The following SEPTIN9 variants were observed in gnomAD, a reference collection of about 807,000 sequenced individuals.
SEPTIN9 encodes the protein septin-9.
A neutral mutation model predicts 56.6 loss-of-function variants in SEPTIN9; 13 were observed. The ratio of observed to expected loss-of-function variants is 0.23; its 90% CI spans 0.15 to 0.37. The LOEUF (loss-of-function observed/expected upper bound fraction) is 0.37. SEPTIN9 is among the 10% of genes least tolerant of loss of function. SEPTIN9 has a pLI of 1.00. For missense variants in SEPTIN9, 650 were observed against 823.1 expected (o/e 0.79, Z 2.57); for synonymous variants, 332 against 334.1 (o/e 0.99, Z 0.07).
chr17:77,340,973 G>A (rs1406607275), intron 2 of SEPTIN9, among the ~76,000 whole-genome samples: 1 of 152,200 alleles, frequency 6.6e-6, no homozygotes, highest in African/African-American at 2.4e-5. Context: ...GCTTTGCCCT[G>A]GATTAGGCTT....
intron 1 of SEPTIN9, among the ~76,000 whole-genome samples, chr17:77,287,260 G>A (rs1366530882): frequency 4.6e-5 from 7 of 152,218 alleles, no homozygotes; most frequent in African/African-American, 1.4e-4. Context: ...TGTGGGTGCC[G>A]AGCTTCTGTG....
intron 1 of SEPTIN9, among the ~76,000 whole-genome samples, chr17:77,293,424 A>G (rs1233728124): frequency 6.6e-6 from 1 of 152,172 alleles, no homozygotes; most frequent in Non-Finnish European, 1.5e-5. Flanking sequence ...GGCCTCCCAA[A>G]GTGCTGGGAT....
chr17:77,390,644 G>T (rs2144033036), intron 2 of SEPTIN9, among the ~76,000 whole-genome samples: 1 of 151,950 alleles, frequency 6.6e-6, no homozygotes, highest in East Asian at 2.0e-4. Context: ...GTAGAGACGG[G>T]GTTTCACTGT....
At position 77,434,930 on chromosome 17, in the gene SEPTIN9, C is replaced by T. The variant is rs531584755; in HGVS notation, c.721+32227C>T. On this transcript the variant is annotated intron_variant, in intron 3 of 11. Transcript: ENST00000427177. This position sits in a 1 kb window ranked among gnomAD's most constrained non-coding sequence, Gnocchi z 5.0. The stretch of plus-strand genomic sequence containing the variant: ...CGCTGCAGGGGAGCAGAGACCTCAC[C>T]CTTCCTCTGCCGACATCAGGCTGCC... Among the ~76,000 whole-genome samples, 2 of 152,274 alleles carry T rather than the reference C, an allele frequency of 1.3e-5. No individual in the cohort carries two copies. The highest frequency in any genetic ancestry group is 4.8e-5 in the African/African-American group (2 of 41,548).
chr17:77,417,904 T>C (rs2036560436), intron 3 of SEPTIN9, among the ~76,000 whole-genome samples: 1 of 152,174 alleles, frequency 6.6e-6, no homozygotes, highest in South Asian at 2.1e-4. Context: ...GCACAGGCGT[T>C]GGTCATTAAA....
intron 2 of SEPTIN9, among the ~76,000 whole-genome samples, chr17:77,388,834 T>TTTTC (rs1283776131): frequency 4.2e-5 from 5 of 118,638 alleles, no homozygotes; most frequent in African/African-American, 1.4e-4. Flanking sequence ...TTTTTTTTTT[T>TTTTC]GCATTTTTTA....
intron 2 of SEPTIN9, among the ~76,000 whole-genome samples, chr17:77,342,952 A>G (rs2033778870): frequency 6.6e-6 from 1 of 151,904 alleles, no homozygotes; most frequent in Non-Finnish European, 1.5e-5. Context: ...TCCAGCCTGG[A>G]TGACAGAGGG....
rs981299186 is a variant in SEPTIN9, at chr17:77,434,942, G to T, written c.721+32239G>T. 6.6e-6 allele frequency among the ~76,000 whole-genome samples: 1 copy of T among 152,170 alleles called. No individual in the cohort carries two copies. The highest frequency in any genetic ancestry group is 1.5e-5 in the Non-Finnish European group (1 of 68,022). On this transcript the variant is annotated intron_variant, in intron 3 of 11. Coordinates refer to ENST00000427177, the MANE Select transcript of SEPTIN9 (RefSeq NM_001113491.2). The surrounding 1 kb of genome is among the most constrained non-coding windows in gnomAD (Gnocchi z 5.0). Reference sequence around the variant, plus strand: ...GCAGAGACCTCACCCTTCCTCTGCCGACATCAGGCTGCCGGTGCTGGACGG... The same window carrying T: ...GCAGAGACCTCACCCTTCCTCTGCCTACATCAGGCTGCCGGTGCTGGACGG...
intron 1 of SEPTIN9, among the ~76,000 whole-genome samples, chr17:77,295,691 C>T (rs902847745): frequency 6.6e-6 from 1 of 152,076 alleles, no homozygotes; most frequent in Non-Finnish European, 1.5e-5. Flanking sequence ...CAGGAGCTCC[C>T]CTCTCTTCCC....
rs1346046547 is a variant in SEPTIN9 at position 77,317,774 on chromosome 17, C to T, written c.76+10577C>T. Among the ~76,000 whole-genome samples, 1 of 152,088 alleles carries T rather than the reference C, an allele frequency of 6.6e-6. No homozygotes were observed. Among genetic ancestry groups the T allele is most frequent in the African/African-American group, 2.4e-5 (1 of 41,396 alleles). On this transcript the variant is annotated intron_variant, in intron 2 of 11. Transcript: ENST00000427177. This position sits in a 1 kb window ranked among gnomAD's most constrained non-coding sequence, Gnocchi z 4.2. ...GTCTCAAAAAATAAAAAATAAAGGC[C>T]AGGCACAGTGGCTTATGCCTGTAAT... is the stretch of plus-strand genomic sequence containing the variant.
At chr17:77,363,422 CTG>C (rs1438339876) in intron 2 of SEPTIN9, among the ~76,000 whole-genome samples, 1 of 122,350 alleles carries the variant, frequency 8.2e-6, no homozygotes, top group African/African-American at 3.1e-5. Flanking sequence ...GAGTCTCACT[CTG>C]TTGCCCAGGC....
At chr17:77,392,227 T>G (rs1001514713) in intron 2 of SEPTIN9, among the ~76,000 whole-genome samples, 1 of 152,118 alleles carries the variant, frequency 6.6e-6, no homozygotes, top group African/African-American at 2.4e-5. Context: ...AGGAAGGACC[T>G]CCGGAGTGCC....
intron 2 of SEPTIN9, among the ~76,000 whole-genome samples, chr17:77,362,568 A>G (rs312882): frequency 0.8 from 122,513 of 152,226 alleles, 49,602 homozygotes; most frequent in East Asian, 0.97. Flanking sequence ...CCCACCTCCT[A>G]ATCCCAGCTG....
At chr17:77,485,666 T>C (rs967708329) in intron 4 of SEPTIN9, among the ~76,000 whole-genome samples, 12 of 151,924 alleles carry the variant, frequency 7.9e-5, no homozygotes, top group African/African-American at 2.7e-4. Context: ...GACCTGAGGT[T>C]GGCCAGGACA....
chr17:77,444,026 G>A (rs1427423944), intron 3 of SEPTIN9, among the ~76,000 whole-genome samples: 4 of 152,088 alleles, frequency 2.6e-5, no homozygotes, highest in Non-Finnish European at 5.9e-5. Context: ...GACTCTGGGG[G>A]TGGGGGTCAC....
intron 3 of SEPTIN9, among the ~76,000 whole-genome samples, chr17:77,412,129 C>CAAAAA (rs756030644): frequency 1.0e-4 from 7 of 67,378 alleles, no homozygotes; most frequent in Admixed American, 3.4e-4. Flanking sequence ...GACTCCCTAT[C>CAAAAA]AAAAAAAAAA....
intron 2 of SEPTIN9, among the ~76,000 whole-genome samples, chr17:77,350,215 G>A (rs1030790548): frequency 2.6e-5 from 4 of 152,198 alleles, no homozygotes; most frequent in African/African-American, 9.7e-5. Context: ...AGGGTGGGTC[G>A]GCTCCTCACT....
At chr17:77,482,372 G>A (rs201255655) in intron 4 of SEPTIN9, 37 bp downstream of exon 4, 24 of 1,599,598 alleles carry the variant, frequency 1.5e-5, no homozygotes, top group South Asian at 5.5e-5. Flanking sequence ...AACCAATGCC[G>A]GAAACCAGCC....
intron 10 of SEPTIN9, 112 bp from the exon 11 acceptor site, chr17:77,497,203 T>G: frequency 9.3e-7 from 1 of 1,078,824 alleles, no homozygotes; most frequent in Non-Finnish European, 1.4e-6. Context: ...CCCATGGGGC[T>G]GCCCTCAGAC....
Sources: allele counts gnomAD v4.1 joint callset (sites outside exome capture counted in the v4.1 genomes callset), GRCh38; gene constraint gnomAD v4.1.1; non-coding constraint Gnocchi (gnomAD v3.1); transcripts MANE v1.5; gene names NCBI Gene and HGNC (gene_info 2026-07-23, HGNC 2026-07-21).